Variants in MRTFB observed in about 807,000 individuals in gnomAD.
MRTFB encodes myocardin related transcription factor B.
In MRTFB, 29 loss-of-function variants were observed where a neutral mutation model predicts 104.2. The ratio of observed to expected loss-of-function variants is 0.28; its 90% CI spans 0.21 to 0.38. The LOEUF is 0.38. MRTFB is among the 10% of genes least tolerant of loss of function. The pLI, the probability that MRTFB is intolerant of heterozygous loss-of-function variation, is 1.00. For missense variants in MRTFB, 1,270 were observed against 1,341.6 expected (o/e 0.95, Z 0.83); for synonymous variants, 535 against 519.5 (o/e 1.03, Z -0.41).
intron 3 of MRTFB, chr16:14,186,658 G>A: frequency 7.9e-7 from 1 of 1,270,792 alleles, no homozygotes; most frequent in Non-Finnish European, 1.0e-6. Flanking sequence ...TTAGAATCGT[G>A]CCTGTGTGGC....
At chr16:14,023,618 T>C in the MRTFB span, among the ~76,000 whole-genome samples, 28 of 57,774 alleles carry the variant, frequency 4.8e-4, no homozygotes, top group East Asian at 5.5e-3. Flanking sequence ...CACATACATA[T>C]ACATATACAT....
At chr16:14,071,658 T>G (rs900375552) in intron 1 of MRTFB, among the ~76,000 whole-genome samples, 9 of 151,938 alleles carry the variant, frequency 5.9e-5, no homozygotes, top group Non-Finnish European at 1.2e-4. Flanking sequence ...CTGCTGACAG[T>G]GGCAGCGGCG....
At chr16:14,219,642 T>A (rs1259551094) in intron 8 of MRTFB, among the ~76,000 whole-genome samples, 4 of 152,200 alleles carry the variant, frequency 2.6e-5, no homozygotes, top group African/African-American at 9.7e-5. Flanking sequence ...TTCACAGAAG[T>A]ATGGAAGTTT....
Position 14,074,428 on chromosome 16 carries a change from G to C in MRTFB, c.-129+3063G>C, listed in dbSNP as rs1478537282. 2.0e-5 allele frequency among the ~76,000 whole-genome samples: 3 copies of C among 152,278 alleles called. No homozygotes were observed. In the East Asian group the frequency reaches 5.8e-4, roughly 29 times the overall value. On this transcript the variant is annotated intron_variant, in intron 1 of 16. Transcript: ENST00000571589. Reference sequence around the variant, plus strand: ...GGGATAGATTGTTGAATGGACAAAAGTTCATGCTTTTATGAAGTTTTACAT... The same window carrying C: ...GGGATAGATTGTTGAATGGACAAAACTTCATGCTTTTATGAAGTTTTACAT...
At chr16:14,053,361 T>C in the MRTFB span, among the ~76,000 whole-genome samples, 4 of 152,186 alleles carry the variant, frequency 2.6e-5, no homozygotes, top group Non-Finnish European at 5.9e-5. Flanking sequence ...ATCTTGGCTA[T>C]TGTGAATAGC....
rs1328866417 is a variant in MRTFB at position 14,241,997 on chromosome 16, T to TAATAAC, written c.1079+1518_1079+1519insCAATAA. Among the ~76,000 whole-genome samples, 4 of 148,866 alleles carry TAATAAC rather than the reference T, an allele frequency of 2.7e-5. No individual in the cohort carries two copies. In the South Asian group the frequency reaches 6.3e-4, roughly 24 times the overall value. On this transcript the variant is annotated intron_variant, in intron 10 of 16. Transcript: ENST00000571589. ...ATAATAATAATAATAATAATAATAATAATAATAATAATAATGGTAATGATG... is the reference window on the plus strand; with the variant it reads ...ATAATAATAATAATAATAATAATAATAATAACAATAATAATAATAATGGTAATGATG...
At chr16:14,193,958 T>G (rs184618798) in intron 3 of MRTFB, among the ~76,000 whole-genome samples, 107 of 152,340 alleles carry the variant, frequency 7.0e-4, no homozygotes, top group African/African-American at 2.4e-3. Flanking sequence ...GAGTATTAAA[T>G]GCATTTTGAC....
chr16:14,010,475 ATT>A, the MRTFB span, among the ~76,000 whole-genome samples: 1 of 151,874 alleles, frequency 6.6e-6, no homozygotes, highest in Non-Finnish European at 1.5e-5. Context: ...TAATTTTTTA[ATT>A]TTTTGTAGAG....
At chr16:14,130,767 G>A (rs927314585) in intron 2 of MRTFB, among the ~76,000 whole-genome samples, 7 of 151,674 alleles carry the variant, frequency 4.6e-5, no homozygotes, top group African/African-American at 1.5e-4. Flanking sequence ...AGAGCATGGC[G>A]CTGGGGAGGC....
At chr16:14,096,937 T>C (rs1037403972) in intron 2 of MRTFB, among the ~76,000 whole-genome samples, 4 of 152,228 alleles carry the variant, frequency 2.6e-5, no homozygotes, top group African/African-American at 9.6e-5. Flanking sequence ...TGAATTCACT[T>C]AGGTTTCAAG....
At chr16:14,108,419 G>C (rs1168827676) in intron 2 of MRTFB, among the ~76,000 whole-genome samples, 1 of 152,204 alleles carries the variant, frequency 6.6e-6, no homozygotes, top group East Asian at 1.9e-4. Flanking sequence ...ACCCTTGATA[G>C]AACATTTCTA....
intron 2 of MRTFB, among the ~76,000 whole-genome samples, chr16:14,090,879 GGTGTGTGTGTGTGTGTGTGT>G (rs55685117): frequency 2.4e-3 from 345 of 141,786 alleles, no homozygotes; most frequent in African/African-American, 8.5e-3. Flanking sequence ...AGTTCAGCAT[GGTGTGTGTGTGTGTGTGTGT>G]GTGTGTGTGT....
At chr16:14,237,984 T>C (rs2042596491) in intron 9 of MRTFB, among the ~76,000 whole-genome samples, 2 of 152,244 alleles carry the variant, frequency 1.3e-5, no homozygotes, top group South Asian at 4.2e-4. Context: ...AAAGTGAGAC[T>C]TGTCAGCATG....
At chr16:14,015,231 T>G in the MRTFB span, among the ~76,000 whole-genome samples, 5 of 152,220 alleles carry the variant, frequency 3.3e-5, no homozygotes, top group African/African-American at 1.2e-4. Flanking sequence ...GGCTGAAGTT[T>G]GGAAACGAAT....
chr16:14,035,509 A>C, the MRTFB span, among the ~76,000 whole-genome samples: 1 of 152,202 alleles, frequency 6.6e-6, no homozygotes, highest in East Asian at 1.9e-4. Context: ...CAGACCAATA[A>C]AAATATGAAA....
intron 3 of MRTFB, among the ~76,000 whole-genome samples, chr16:14,188,688 T>A (rs1291807181): frequency 2.0e-5 from 3 of 152,192 alleles, no homozygotes. Flanking sequence ...GGGTCTGTGA[T>A]CCTGGACAAG....
At chr16:14,068,534 C>T (rs1413656285), upstream of MRTFB, among the ~76,000 whole-genome samples, 2 of 152,108 alleles carry the variant, frequency 1.3e-5, no homozygotes, top group Non-Finnish European at 2.9e-5. Flanking sequence ...GTGGAACCAA[C>T]CACTTGCCAA....
chr16:14,029,422 ATAT>A, the MRTFB span, among the ~76,000 whole-genome samples: 1 of 37,372 alleles, frequency 2.7e-5, no homozygotes, highest in African/African-American at 5.5e-5. Context: ...AAAAAAAAAT[ATAT>A]ATATATATAT....
intron 2 of MRTFB, among the ~76,000 whole-genome samples, chr16:14,136,771 A>G (rs1174255139): frequency 6.6e-6 from 1 of 151,008 alleles, no homozygotes; most frequent in Non-Finnish European, 1.5e-5. Flanking sequence ...TTCCCCCTGT[A>G]TTTTTTTCCC....
Sources: gnomAD v4.1 joint callset for allele counts (sites outside exome capture counted in the v4.1 genomes callset) on GRCh38, gnomAD v4.1.1 for gene constraint, MANE v1.5 for transcripts, NCBI Gene and HGNC (gene_info 2026-07-23, HGNC 2026-07-21) for gene names.